OTOG: variants seen among roughly 807,000 people sequenced by gnomAD.
OTOG encodes the protein otogelin.
In OTOG, 296 loss-of-function variants were observed where a neutral mutation model predicts 313.8. The ratio of observed to expected loss-of-function variants is 0.94; its 90% CI spans 0.86 to 1.04. The LOEUF is 1.04. Ranked by LOEUF, OTOG falls within the 50% of genes least tolerant of loss-of-function variation. The probability of loss-of-function intolerance (pLI) is 0.00; values close to 1 mark genes in which losing one functional copy is unlikely to be tolerated. For synonymous variants in OTOG, 1,533 were observed against 1,554.9 expected, an observed-to-expected ratio of 0.99 and a Z score of 0.33; for missense variants, 3,948 against 3,840.1, an observed-to-expected ratio of 1.03 and a Z score of -0.74.
At position 17,605,781 on chromosome 11, in the gene OTOG, A is replaced by G. The variant is rs1259320120; in HGVS notation, c.3878-76A>G. 34 of 1,441,990 alleles carry G rather than the reference A, an allele frequency of 2.4e-5. No individual in the cohort carries two copies. The South Asian group carries it at 4.1e-4, about 17-fold the overall frequency. 89.3% of individuals were successfully genotyped at this position (1,441,990 alleles called of 1,614,324 possible). On this transcript the variant is annotated intron_variant, in intron 32 of 55. Transcript: ENST00000399397. ...CCATCCAGAGTCGCTGAGAGAGCAG[A>G]TGTGTGCCAGGATGCTGTTCCCGCA... is the stretch of plus-strand genomic sequence containing the variant.
Position 17,574,723 on chromosome 11 carries a change from T to A in OTOG, c.2297T>A (p.Leu766Gln). 6.5e-7 allele frequency: 1 copy of A among 1,550,330 alleles called. No homozygotes were observed. The highest frequency in any genetic ancestry group is 1.2e-5 in the South Asian group (1 of 84,018). Residue 766 changes from leucine (L) to glutamine (Q), a missense_variant, in exon 20 of 56, where the codon CTG becomes CAG. By Grantham distance (113) the Leu-to-Gln change is moderately radical. Transcript: ENST00000399397. ...DFRARLPACA[L>Q]SCEASKEYSP... is the part of the protein sequence containing the mutation. ...CACCACTCCCCCCTCACTGCAGCAC[T>A]GTCCTGTGAGGCCTCCAAGGAGTAT... is the stretch of plus-strand genomic sequence containing the variant.
At chr11:17,548,949 C>A (rs1443628105) in intron 3 of OTOG, among the ~76,000 whole-genome samples, 3 of 152,072 alleles carry the variant, frequency 2.0e-5, no homozygotes, top group Non-Finnish European at 2.9e-5. Flanking sequence ...GAACTCCTGG[C>A]CTCAAGTGAT....
At chr11:17,628,675 T>C (rs540210766) in intron 39 of OTOG, among the ~76,000 whole-genome samples, 29 of 152,308 alleles carry the variant, frequency 1.9e-4, no homozygotes, top group African/African-American at 6.3e-4. Flanking sequence ...AGATACTTAA[T>C]GGCCAGCACA....
chr11:17,554,757 C>G (rs916903343), intron 6 of OTOG, among the ~76,000 whole-genome samples: 5 of 152,194 alleles, frequency 3.3e-5, no homozygotes, highest in Non-Finnish European at 5.9e-5. Flanking sequence ...CATGACCTAT[C>G]ATTTCATGAT....
intron 20 of OTOG, among the ~76,000 whole-genome samples, chr11:17,575,875 G>A (rs1045098099): frequency 3.9e-5 from 6 of 152,334 alleles, no homozygotes; most frequent in Non-Finnish European, 7.3e-5. Context: ...GGAGCTGGAA[G>A]AGTTTCGGCG....
chr11:17,630,028 G>A (rs969329736), intron 40 of OTOG, among the ~76,000 whole-genome samples: 4 of 151,792 alleles, frequency 2.6e-5, no homozygotes, highest in African/African-American at 7.3e-5. Flanking sequence ...CCTGCACCCC[G>A]GTGATCATTC....
Position 17,610,235 on chromosome 11 carries a change from C to T in OTOG, c.4935C>T (p.Ser1645=). ...CCTCCTTGACAGCAAGTCCCTCCTC[C>T]AGACCTGTGGCTTCCCCTGGAGCCA... The part of the protein sequence containing the change: ...PQPSLTASPS[S]RPVASPGAIS... Residue 1645 remains serine (S), a synonymous_variant, in exon 36 of 56, where the codon TCC becomes TCT. Transcript: ENST00000399397. The T allele has an allele frequency of 6.4e-7, 1 of 1,550,592 alleles. No individual in the cohort carries two copies. Among genetic ancestry groups the T allele is most frequent in the South Asian group, 1.2e-5 (1 of 84,058 alleles).
At chr11:17,595,557 C>T (rs1036104145) in intron 28 of OTOG, among the ~76,000 whole-genome samples, 3 of 152,212 alleles carry the variant, frequency 2.0e-5, no homozygotes, top group African/African-American at 4.8e-5. Flanking sequence ...GCTGGGCTCT[C>T]ATCTGGAGGC....
intron 39 of OTOG, among the ~76,000 whole-genome samples, chr11:17,614,130 C>T (rs1297068070): frequency 2.6e-5 from 4 of 152,120 alleles, no homozygotes; most frequent in Non-Finnish European, 5.9e-5. Context: ...TCAAGGAGGC[C>T]GGGGTATCCA....
chr11:17,554,241 C>T (rs1852007701), intron 6 of OTOG, among the ~76,000 whole-genome samples: 1 of 152,164 alleles, frequency 6.6e-6, no homozygotes, highest in Non-Finnish European at 1.5e-5. Context: ...CTGGGTAACT[C>T]AAAGTTCCAT....
intron 38 of OTOG, among the ~76,000 whole-genome samples, chr11:17,613,174 CTTTCTTTCTTTCTTTCTTTCT>C (rs879784917): frequency 0.054 from 5,259 of 96,622 alleles, 171 homozygotes; most frequent in African/African-American, 0.092. Context: ...TCTCCCTTTT[CTTTCTTTCTTTCTTTCTTTCT>C]TTTCTTTCTT....
At chr11:17,561,941 G>GAGGC in intron 15 of OTOG, 134 bp downstream of exon 15, 1 of 1,130,210 alleles carries the variant, frequency 8.8e-7, no homozygotes, top group Non-Finnish European at 1.2e-6. Context: ...CTGGGGAGAA[G>GAGGC]ACTGGACTCC....
rs1853440905 is a variant in OTOG at position 17,608,346 on chromosome 11, G to A, written c.4207G>A (p.Ala1403Thr). Residue 1403 changes from alanine (A) to threonine (T), a missense_variant, in exon 34 of 56, where the codon GCC (alanine) becomes ACC (threonine). Coordinates refer to ENST00000399397, the MANE Select transcript of OTOG (RefSeq NM_001292063.2). ...AYPICEWRYD[A>T]CASPCFQTCR... ...CCCCATCTGCGAGTGGCGCTACGAT[G>A]CCTGTGCCAGCCCCTGCTTCCAAAC... 1.3e-6 allele frequency: 2 copies of A among 1,547,666 alleles called. No individual in the cohort carries two copies. The highest frequency in any genetic ancestry group is 1.7e-6 in the Non-Finnish European group (2 of 1,145,864).
In OTOG at chr11:17,548,128, A is replaced by T. The variant is rs1214540311; in HGVS notation, c.156-24A>T. The T allele has an allele frequency of 9.7e-6, 15 of 1,543,530 alleles. No individual in the cohort carries two copies. The Middle Eastern group carries it at 6.7e-4, about 69-fold the overall frequency. On this transcript the variant is annotated intron_variant, in intron 2 of 55. Transcript: ENST00000399397. ...CATAACCCATCCTAGCCCCCCATCC[A>T]TGCCAGACTCGTGTTTCCTCCAGCA...
Position 17,593,650 on chromosome 11 carries a change from C to G in OTOG, c.3182C>G (p.Thr1061Arg). The change falls in exon 27 of 56, where the codon ACA (threonine) becomes AGA (arginine). Residue 1061 changes from threonine (T) to arginine (R), a missense_variant. By Grantham distance (71) the Thr-to-Arg change is moderately conservative. Coordinates refer to ENST00000399397, the MANE Select transcript of OTOG (RefSeq NM_001292063.2). Reference sequence around the variant, plus strand: ...CTGGATGACAAGCAGGAGGTCCACACATGGCGAGTGGGATTTTTCACACTG... The same window carrying G: ...CTGGATGACAAGCAGGAGGTCCACAGATGGCGAGTGGGATTTTTCACACTG... Reference protein sequence around the residue: ...SFLDDKQEVHTWRVGFFTLVH... With the variant: ...SFLDDKQEVHRWRVGFFTLVH... The G allele has an allele frequency of 6.5e-7, 1 of 1,549,136 alleles. No individual in the cohort carries two copies. The highest frequency in any genetic ancestry group is 8.7e-7 in the Non-Finnish European group (1 of 1,146,984).
chr11:17,609,931 G>C lies in OTOG; in HGVS notation c.4631G>C (p.Gly1544Ala), dbSNP rs1014717669. 537 of 1,531,396 alleles carry C rather than the reference G, an allele frequency of 3.5e-4. 1 individual carries two copies. The highest frequency in any genetic ancestry group is 4.6e-4 in the Non-Finnish European group (526 of 1,136,156). 94.9% of individuals were successfully genotyped at this position (1,531,396 alleles called of 1,614,324 possible). The stretch of plus-strand genomic sequence containing the variant: ...CTCACTGCATCTCAACTCCCCGCCG[G>C]CCCCACGGAGTCCCCAGCCAGCAAG... Reference protein sequence around the residue: ...LELTASQLPAGPTESPASKGV... With the variant: ...LELTASQLPAAPTESPASKGV... The change falls in exon 36 of 56, where the codon GGC (glycine) becomes GCC (alanine). Residue 1544 changes from glycine (G) to alanine (A), a missense_variant. By Grantham distance (60) the Gly-to-Ala change is moderately conservative. Transcript: ENST00000399397.
At chr11:17,574,603 C>T (rs1852476434) in intron 19 of OTOG, 117 bp from the exon 20 acceptor site, 1 of 1,099,778 alleles carries the variant, frequency 9.1e-7, no homozygotes, top group Admixed American at 2.7e-5. Context: ...TGTGTGACCT[C>T]AGACAAATGT....
intron 30 of OTOG, among the ~76,000 whole-genome samples, chr11:17,598,799 C>A (rs1015587346): frequency 2.0e-5 from 3 of 152,200 alleles, no homozygotes; most frequent in Non-Finnish European, 4.4e-5. Flanking sequence ...CTGGTTCAGC[C>A]TTCTGAGTCT....
intron 22 of OTOG, among the ~76,000 whole-genome samples, chr11:17,578,033 G>A (rs1302224230): frequency 6.6e-6 from 1 of 152,096 alleles, no homozygotes; most frequent in Admixed American, 6.5e-5. Context: ...GAGGAGAAGT[G>A]GCTTCACTCC....
Sources: allele counts gnomAD v4.1 joint callset (sites outside exome capture counted in the v4.1 genomes callset), GRCh38; gene constraint gnomAD v4.1.1; transcripts MANE v1.5; gene names NCBI Gene and HGNC (gene_info 2026-07-23, HGNC 2026-07-21).